WDR59: variants seen among roughly 807,000 people sequenced by gnomAD.
WDR59 encodes WD repeat domain 59.
WDR59 carries 100 observed loss-of-function variants against 131.2 expected under a neutral mutation model. That is an observed-to-expected ratio of 0.76 (90% CI 0.65 to 0.90). WDR59 has a LOEUF of 0.90. Among genes scored for constraint, WDR59 ranks in the 40% least tolerant of loss-of-function variants. The probability of loss-of-function intolerance (pLI) is 0.00; values close to 1 mark genes in which losing one functional copy is unlikely to be tolerated. For missense variants in WDR59, 1,203 were observed against 1,262.2 expected, an observed-to-expected ratio of 0.95 and a Z score of 0.71; for synonymous variants, 601 against 466.2, an observed-to-expected ratio of 1.29 and a Z score of -3.72.
chr16:74,959,564 C>T, intron 2 of WDR59: 1 of 451,136 alleles, frequency 2.2e-6, no homozygotes, highest in South Asian at 1.6e-5. Context: ...GGAGTTAAGA[C>T]CAGCCTGGGC....
chr16:74,953,301 A>G (rs962950527), intron 3 of WDR59, among the ~76,000 whole-genome samples: 27 of 152,004 alleles, frequency 1.8e-4, no homozygotes, highest in African/African-American at 5.8e-4. Context: ...GTGAAAGCCC[A>G]TCTCTACTTA....
intron 18 of WDR59, chr16:74,899,617 G>A (rs1965452261): frequency 1.7e-6 from 2 of 1,176,810 alleles, no homozygotes; most frequent in Non-Finnish European, 2.2e-6. Flanking sequence ...GTTCCTCAAA[G>A]CCAGGCAGGT....
chr16:74,974,113 T>C (rs1388706754), intron 1 of WDR59, among the ~76,000 whole-genome samples: 1 of 152,270 alleles, frequency 6.6e-6, no homozygotes, highest in East Asian at 1.9e-4. Flanking sequence ...GAGTTTGCAG[T>C]GAGCTGAGAT....
chr16:74,932,430 TACACAC>T (rs34468583), intron 8 of WDR59, among the ~76,000 whole-genome samples: 5,821 of 144,134 alleles, frequency 0.04, 130 homozygotes, highest in African/African-American at 0.056. Context: ...ACATAATTTT[TACACAC>T]ACACACACAC....
intron 18 of WDR59, among the ~76,000 whole-genome samples, chr16:74,902,908 A>T (rs1965622024): frequency 6.6e-6 from 1 of 152,056 alleles, no homozygotes; most frequent in South Asian, 2.1e-4. Flanking sequence ...GGACTATAGG[A>T]AAGTGTCCAG....
At chr16:74,890,851 C>G (rs963317803) in intron 20 of WDR59, among the ~76,000 whole-genome samples, 2 of 152,124 alleles carry the variant, frequency 1.3e-5, no homozygotes, top group Non-Finnish European at 2.9e-5. Context: ...CCCTGTGGCT[C>G]ACGCCTGTAA....
At chr16:74,884,338 G>C (rs781385387) in intron 25 of WDR59, among the ~76,000 whole-genome samples, 13 of 152,134 alleles carry the variant, frequency 8.5e-5, no homozygotes, top group Admixed American at 1.3e-4. Flanking sequence ...CATTGGACTT[G>C]GATACAATTG....
At chr16:74,981,656 A>T (rs1264431692) in intron 1 of WDR59, among the ~76,000 whole-genome samples, 17,771 of 29,232 alleles carry the variant, frequency 0.61, 3,714 homozygotes, top group East Asian at 0.65. Context: ...ATATATATAT[A>T]TATATTTTTT....
At chr16:74,976,721 G>A (rs1000193575) in intron 1 of WDR59, among the ~76,000 whole-genome samples, 1 of 152,296 alleles carries the variant, frequency 6.6e-6, no homozygotes, top group South Asian at 2.1e-4. Context: ...GATTACAGGT[G>A]TGAGCGACCA....
rs770857855 is a variant in WDR59, at chr16:74,951,513, T to C, written c.271A>G (p.Lys91Glu). Residue 91 changes from lysine to glutamate, a missense_variant, in exon 4 of 26, where the codon AAA becomes GAA. By Grantham distance (56) the Lys-to-Glu change is moderately conservative. Coordinates refer to ENST00000262144, the MANE Select transcript of WDR59 (RefSeq NM_030581.4). ...SNQRVDLYKW[K>E]DGSGEVGTTL... ...GTGCCAACTTCCCCACTGCCGTCTT[T>C]CCACTTGTAAAGGTCTACTCGTTGG... The C allele has an allele frequency of 2.5e-6, 4 of 1,601,786 alleles. No individual in the cohort carries two copies. Among genetic ancestry groups the C allele is most frequent in the Non-Finnish European group, 2.6e-6 (3 of 1,174,840 alleles).
At chr16:74,927,406 G>A (rs2030921902) in intron 8 of WDR59, among the ~76,000 whole-genome samples, 1 of 151,880 alleles carries the variant, frequency 6.6e-6, no homozygotes, top group Non-Finnish European at 1.5e-5. Flanking sequence ...TGGCCAACAT[G>A]GCAAAACCCC....
chr16:74,931,050 T>C (rs1024875167), intron 8 of WDR59, among the ~76,000 whole-genome samples: 37 of 152,154 alleles, frequency 2.4e-4, no homozygotes, highest in African/African-American at 8.4e-4. Context: ...AATCAGACTA[T>C]GTAGTTTGAT....
At chr16:74,934,110 T>G (rs8043959) in intron 8 of WDR59, among the ~76,000 whole-genome samples, 55,938 of 151,984 alleles carry the variant, frequency 0.37, 10,355 homozygotes, top group Middle Eastern at 0.41. Context: ...CTCTACACTG[T>G]GCATGCCTCC....
chr16:74,984,884 C>A, intron 1 of WDR59, 80 bp downstream of exon 1: 1 of 1,558,376 alleles, frequency 6.4e-7, no homozygotes, highest in Non-Finnish European at 8.7e-7. Flanking sequence ...CCGTAGCCCC[C>A]CGGGACGGAA....
intron 8 of WDR59, among the ~76,000 whole-genome samples, chr16:74,930,322 C>A (rs753090514): frequency 6.6e-6 from 1 of 152,104 alleles, no homozygotes; most frequent in Non-Finnish European, 1.5e-5. Flanking sequence ...TACATATATA[C>A]ACCTACTAGC....
At chr16:74,921,755 T>C (rs140332547) in intron 10 of WDR59, among the ~76,000 whole-genome samples, 192 bp downstream of exon 10, 22 of 133,388 alleles carry the variant, frequency 1.6e-4, no homozygotes, top group African/African-American at 5.4e-4. Flanking sequence ...AGGACAGAAT[T>C]TGGAAGAGTA....
At chr16:74,942,290 A>T (rs2032295862) in intron 7 of WDR59, among the ~76,000 whole-genome samples, 1 of 152,122 alleles carries the variant, frequency 6.6e-6, no homozygotes, top group Non-Finnish European at 1.5e-5. Context: ...GCTCATCGTT[A>T]TTGGAAGTAT....
intron 18 of WDR59, among the ~76,000 whole-genome samples, chr16:74,898,269 C>T (rs1375408719): frequency 6.6e-6 from 1 of 152,146 alleles, no homozygotes; most frequent in African/African-American, 2.4e-5. Context: ...CTAAAAGCCC[C>T]TGATCCTCCT....
chr16:74,973,824 T>A lies in WDR59; in HGVS notation c.55-8002A>T, dbSNP rs550145382. Among the ~76,000 whole-genome samples the A allele has an allele frequency of 1.1e-4, 16 of 152,266 alleles. No homozygotes were observed. In the South Asian group the frequency reaches 2.3e-3, roughly 22 times the overall value. On this transcript the variant is annotated intron_variant, in intron 1 of 25. Coordinates refer to ENST00000262144, the MANE Select transcript of WDR59 (RefSeq NM_030581.4). ...GCCAAGGCAGGCAGATCGCCTGAGG[T>A]CAAGAGTTCAAGACCAGCCTGGCCA...
Sources: gnomAD v4.1 joint callset for allele counts (sites outside exome capture counted in the v4.1 genomes callset) on GRCh38, gnomAD v4.1.1 for gene constraint, MANE v1.5 for transcripts, NCBI Gene and HGNC (gene_info 2026-07-23, HGNC 2026-07-21) for gene names.